Variants in PACS1 observed in about 807,000 individuals in gnomAD.
PACS1 encodes phosphofurin acidic cluster sorting protein 1.
A neutral mutation model predicts 115.0 loss-of-function variants in PACS1; 24 were observed. The observed-to-expected ratio is 0.21, with a 90% CI of 0.15 to 0.29. The LOEUF is 0.29. PACS1 is among the 10% of genes least tolerant of loss of function. PACS1 has a pLI of 1.00. For synonymous variants in PACS1, 453 were observed against 504.5 expected (o/e 0.90, Z 1.37); for missense variants, 838 against 1,251.2 (o/e 0.67, Z 4.98).
intron 2 of PACS1, among the ~76,000 whole-genome samples, chr11:66,201,635 C>T (rs1350941148): frequency 6.8e-6 from 1 of 147,812 alleles, no homozygotes; most frequent in African/African-American, 2.5e-5. Flanking sequence ...AAAAAAAAGT[C>T]AACAAAACAA....
At chr11:66,160,511 A>AT (rs908742749) in intron 1 of PACS1, among the ~76,000 whole-genome samples, 88 of 150,728 alleles carry the variant, frequency 5.8e-4, no homozygotes, top group African/African-American at 1.6e-3. Flanking sequence ...AGAAAAGCTT[A>AT]TTTTTTTTTG....
intron 1 of PACS1, among the ~76,000 whole-genome samples, chr11:66,149,580 C>T (rs1295461170): frequency 2.0e-5 from 3 of 152,026 alleles, no homozygotes; most frequent in Admixed American, 6.6e-5. Flanking sequence ...TAAAAAGTAG[C>T]TCATAGCATA....
chr11:66,103,157 C>T (rs1857959563), intron 1 of PACS1, among the ~76,000 whole-genome samples: 1 of 152,124 alleles, frequency 6.6e-6, no homozygotes, highest in Non-Finnish European at 1.5e-5. Flanking sequence ...ATAAATGGCA[C>T]AGTTGAAATG....
chr11:66,187,400 T>C (rs1854408633), intron 1 of PACS1, among the ~76,000 whole-genome samples: 2 of 152,296 alleles, frequency 1.3e-5, no homozygotes, highest in South Asian at 4.1e-4. Flanking sequence ...ACACTAGAGC[T>C]TATTCCTCCT....
intron 1 of PACS1, 147 bp from the exon 2 acceptor site, chr11:66,193,339 T>C (rs1411021995): frequency 1.7e-6 from 1 of 575,058 alleles, no homozygotes; most frequent in Non-Finnish European, 3.2e-6. Flanking sequence ...GAGGGGATGC[T>C]CTTCTACTGA....
chr11:66,132,642 C>T (rs898545593), intron 1 of PACS1, among the ~76,000 whole-genome samples: 1 of 151,948 alleles, frequency 6.6e-6, no homozygotes, highest in Non-Finnish European at 1.5e-5. Context: ...TAGATGCAAC[C>T]AGCCTTTTTT....
chr11:66,158,431 C>T (rs1859410466), intron 1 of PACS1, among the ~76,000 whole-genome samples: 3 of 152,248 alleles, frequency 2.0e-5, no homozygotes, highest in Admixed American at 2.0e-4. Flanking sequence ...GGCGTGGTGG[C>T]TTACAACTGT....
intron 10 of PACS1, among the ~76,000 whole-genome samples, chr11:66,225,085 A>G (rs1185231466): frequency 1.3e-5 from 2 of 152,210 alleles, no homozygotes; most frequent in Non-Finnish European, 2.9e-5. Flanking sequence ...ACAGATGCAG[A>G]CTTCCAGCCA....
intron 8 of PACS1, among the ~76,000 whole-genome samples, chr11:66,220,099 C>T (rs1030418580): frequency 2.0e-5 from 3 of 152,096 alleles, no homozygotes; most frequent in Non-Finnish European, 4.4e-5. Context: ...GATGCTGCTG[C>T]GGTTGTCACT....
chr11:66,070,444 ATCGGCG>A lies in PACS1; in HGVS notation c.-39_-34del. On this transcript the variant is annotated 5_prime_UTR_variant, in exon 1 of 24. Transcript: ENST00000320580. The surrounding 1 kb of genome is among the most constrained non-coding windows in gnomAD (Gnocchi z 5.9). ...GCCGCGGGGGAAGCCTGGGAGCCAG[ATCGGCG>A]TCGCCTCGGCCTCCGTAACCCCCGC... The A allele has an allele frequency of 8.7e-7, 1 of 1,146,836 alleles. No individual in the cohort carries two copies. Among genetic ancestry groups the A allele is most frequent in the Admixed American group, 4.4e-5 (1 of 22,628 alleles). The allele number at this position is 1,146,836 out of a possible 1,614,324, so 71.0% of individuals were successfully genotyped here.
intron 1 of PACS1, among the ~76,000 whole-genome samples, chr11:66,110,819 T>G (rs914774456): frequency 6.6e-6 from 1 of 152,192 alleles, no homozygotes; most frequent in African/African-American, 2.4e-5. Flanking sequence ...TCCTCCCGCC[T>G]CAGCCTCCCA....
chr11:66,197,378 A>G (rs1854673782), intron 2 of PACS1, among the ~76,000 whole-genome samples: 1 of 152,212 alleles, frequency 6.6e-6, no homozygotes, highest in Non-Finnish European at 1.5e-5. Flanking sequence ...TTTAACATAT[A>G]AGAGCACAAA....
chr11:66,190,209 T>C (rs552197141), intron 1 of PACS1, among the ~76,000 whole-genome samples: 8 of 152,372 alleles, frequency 5.3e-5, no homozygotes, highest in African/African-American at 1.9e-4. Context: ...GCAGTTTTTT[T>C]CTTCTCAAAT....
At chr11:66,087,234 G>GT (rs1386961795) in intron 1 of PACS1, among the ~76,000 whole-genome samples, 1 of 150,232 alleles carries the variant, frequency 6.7e-6, no homozygotes, top group African/African-American at 2.5e-5. Flanking sequence ...AAGAACACTT[G>GT]TTTTTTTTTT....
rs371692273 is a variant in PACS1 at position 66,079,521 on chromosome 11, C to G, written c.356+8679C>G. On this transcript the variant is annotated intron_variant, in intron 1 of 23. Transcript: ENST00000320580. ...TCTGTTTTATGGTACCTCTCAAACACATTGCATTGTAATCCCTCCCAACCT... is the reference window on the plus strand; with the variant it reads ...TCTGTTTTATGGTACCTCTCAAACAGATTGCATTGTAATCCCTCCCAACCT... Among the ~76,000 whole-genome samples the G allele has an allele frequency of 2.0e-4, 30 of 152,192 alleles. 2 individuals are homozygous for G. The East Asian group carries it at 4.4e-3, about 23-fold the overall frequency.
At chr11:66,159,521 G>A (rs1486283414) in intron 1 of PACS1, among the ~76,000 whole-genome samples, 2 of 152,192 alleles carry the variant, frequency 1.3e-5, no homozygotes, top group South Asian at 2.1e-4. Flanking sequence ...CCATAGGGGT[G>A]TGCCAGTTAC....
rs181347834 is a variant in PACS1, at chr11:66,182,902, C to T, written c.357-10584C>T. Among the ~76,000 whole-genome samples the T allele has an allele frequency of 4.6e-3, 700 of 152,226 alleles. 5 individuals are homozygous for T. The highest frequency in any genetic ancestry group is 0.015 in the African/African-American group (621 of 41,524). On this transcript the variant is annotated intron_variant, in intron 1 of 23. Coordinates refer to ENST00000320580, the MANE Select transcript of PACS1 (RefSeq NM_018026.4). ...ATCCCAACACTTCAGGAGGTTGAGG[C>T]GGGCAGATCGCTTGAACTGGAGTTT...
In PACS1 at chr11:66,115,836, C is replaced by T. The variant is rs565561205; in HGVS notation, c.356+44994C>T. ...TTTCCTTTTCAATTTGTTACAAGTA[C>T]GCTTAAAGCACGAAGGCGTTGCAGT... On this transcript the variant is annotated intron_variant, in intron 1 of 23. Transcript: ENST00000320580. 3.9e-5 allele frequency among the ~76,000 whole-genome samples: 6 copies of T among 152,312 alleles called. No homozygotes were observed. The East Asian group carries it at 7.7e-4, about 20-fold the overall frequency.
chr11:66,134,032 C>T (rs1175158681), intron 1 of PACS1, among the ~76,000 whole-genome samples: 1 of 151,980 alleles, frequency 6.6e-6, no homozygotes, highest in South Asian at 2.1e-4. Flanking sequence ...GAGAACCTAG[C>T]TCTAACATAA....
Sources: gnomAD v4.1 joint callset for allele counts (sites outside exome capture counted in the v4.1 genomes callset) on GRCh38, gnomAD v4.1.1 for gene constraint, Gnocchi (gnomAD v3.1) non-coding constraint, MANE v1.5 for transcripts, NCBI Gene and HGNC (gene_info 2026-07-23, HGNC 2026-07-21) for gene names.